The following APPBP2 variants were observed in gnomAD, a reference collection of about 807,000 sequenced individuals.
The protein encoded by APPBP2 is amyloid beta precursor protein binding protein 2, also known as amyloid protein-binding protein 2.
Under a neutral mutation model 76.0 loss-of-function variants are expected in APPBP2, and 15 were observed. The ratio of observed to expected loss-of-function variants is 0.20; its 90% confidence interval spans 0.13 to 0.30. The LOEUF (loss-of-function observed/expected upper bound fraction) is 0.30. Ranked by LOEUF, APPBP2 falls within the 10% of genes least tolerant of loss-of-function variation. The pLI, the probability that APPBP2 is intolerant of heterozygous loss-of-function variation, is 1.00. For missense variants in APPBP2, 401 were observed against 687.2 expected, an observed-to-expected ratio of 0.58 and a Z score of 4.66; for synonymous variants, 222 against 242.2, an observed-to-expected ratio of 0.92 and a Z score of 0.77.
chr17:60,500,475 CCT>C lies in APPBP2; in HGVS notation c.149_150del (p.Gln50ArgfsTer9). ...QFDVYYKLYQ[Q>X]GRLCQLGSEF... ...TCACTGCCCAGTTGACATAAGCGTC[CCT>C]GTTGGTAAAGCTGAAATAAAAAACA... On this transcript the variant is annotated frameshift_variant, in exon 2 of 13. Transcript: ENST00000083182. LOFTEE classifies it high-confidence loss of function. 6.2e-7 allele frequency: 1 copy of C among 1,603,824 alleles called. No homozygotes were observed. The highest frequency in any genetic ancestry group is 8.5e-7 in the Non-Finnish European group (1 of 1,176,458).
chr17:60,461,571 C>T, intron 8 of APPBP2: 1 of 369,564 alleles, frequency 2.7e-6, no homozygotes, highest in South Asian at 8.8e-5. Flanking sequence ...AAATGGAAAA[C>T]TACTCCCACA....
chr17:60,488,862 A>G (rs1456600498), intron 3 of APPBP2, among the ~76,000 whole-genome samples: 2 of 152,216 alleles, frequency 1.3e-5, no homozygotes, highest in Non-Finnish European at 2.9e-5. Flanking sequence ...AGTCAAGATC[A>G]CAAGTTTTGA....
intron 1 of APPBP2, among the ~76,000 whole-genome samples, chr17:60,516,364 T>C (rs1328290819): frequency 1.2e-4 from 19 of 152,196 alleles, no homozygotes; most frequent in Admixed American, 1.2e-3. Flanking sequence ...AGGACATAAA[T>C]AATATGAAGT....
intron 4 of APPBP2, among the ~76,000 whole-genome samples, chr17:60,471,802 C>G (rs2090554684): frequency 6.6e-6 from 1 of 151,938 alleles, no homozygotes; most frequent in South Asian, 2.1e-4. Flanking sequence ...CATTTTTGGT[C>G]TTTGGTATCA....
At position 60,526,093 on chromosome 17, in the gene APPBP2, A is replaced by C; in HGVS notation, c.-162T>G. 1.5e-6 allele frequency: 1 copy of C among 653,988 alleles called. No homozygotes were observed. 40.5% of individuals were successfully genotyped at this position (653,988 alleles called of 1,614,324 possible). A position where few individuals can be genotyped will look rare whatever the true frequency, so the allele number is the denominator to read the frequency against. On this transcript the variant is annotated 5_prime_UTR_variant, in exon 1 of 13. Transcript: ENST00000083182. ...GCCGCCCTGCCTCCTCCGGGGGCAAACTGAGGGACGGCGGCAGCGGACGCA... is the reference window on the plus strand; with the variant it reads ...GCCGCCCTGCCTCCTCCGGGGGCAACCTGAGGGACGGCGGCAGCGGACGCA...
In APPBP2 at chr17:60,494,447, C is replaced by A. The variant is rs1245535586; in HGVS notation, c.379+19G>T. ...GAGTCCATCACAGGACAAAATACTT[C>A]TGTTCCACCATTACTTACCTAAAAC... On this transcript the variant is annotated intron_variant, in intron 3 of 12. Transcript: ENST00000083182. 6.3e-7 allele frequency: 1 copy of A among 1,599,090 alleles called. No individual in the cohort carries two copies. The highest frequency in any genetic ancestry group is 8.5e-7 in the Non-Finnish European group (1 of 1,176,822).
In APPBP2 at chr17:60,444,164, C is replaced by G. The variant is rs531015357; in HGVS notation, c.*3417G>C. The stretch of plus-strand genomic sequence containing the variant: ...AAAAAAATTTCCTGGCAACTAAGTT[C>G]CTCCACAGCCAAGAGGTGAAGTACA... On this transcript the variant is annotated 3_prime_UTR_variant, in exon 13 of 13. Transcript: ENST00000083182. 1 of 152,212 alleles carries G rather than the reference C, an allele frequency of 6.6e-6. No homozygotes were observed. The highest frequency in any genetic ancestry group is 2.1e-4 in the South Asian group (1 of 4,800). The allele number at this position is 152,212 out of a possible 1,614,324, so 9.4% of individuals were successfully genotyped here. A position where few individuals can be genotyped will look rare whatever the true frequency, so the allele number is the denominator to read the frequency against.
chr17:60,494,649 GTTAA>G (rs2090759230), intron 2 of APPBP2, 32 bp from the exon 3 acceptor site: 1 of 1,534,996 alleles, frequency 6.5e-7, no homozygotes, highest in Non-Finnish European at 8.7e-7. Flanking sequence ...ATTTTATAGA[GTTAA>G]TTTATTTTTC....
chr17:60,461,970 A>C lies in APPBP2; in HGVS notation c.830+24T>G. On this transcript the variant is annotated intron_variant, in intron 7 of 12. Coordinates refer to ENST00000083182, the MANE Select transcript of APPBP2 (RefSeq NM_006380.5). ...TAAAGTATAGAGACAATTTAAAAGG[A>C]TATTTTTAATAATAATCACCTACCG... The C allele has an allele frequency of 1.9e-6, 3 of 1,608,658 alleles. No individual in the cohort carries two copies. The South Asian group carries it at 3.3e-5, about 18-fold the overall frequency.
At chr17:60,522,402 A>T (rs923635098) in intron 1 of APPBP2, among the ~76,000 whole-genome samples, 1 of 152,158 alleles carries the variant, frequency 6.6e-6, no homozygotes, top group African/African-American at 2.4e-5. Flanking sequence ...AGCTCACTGC[A>T]GGCTCTGACC....
chr17:60,508,236 A>G (rs1284978893), intron 1 of APPBP2, among the ~76,000 whole-genome samples: 2 of 152,202 alleles, frequency 1.3e-5, no homozygotes, highest in Non-Finnish European at 1.5e-5. Flanking sequence ...TGATGAAGGT[A>G]GGCAAACTGC....
chr17:60,451,760 T>G, intron 12 of APPBP2, 120 bp downstream of exon 12: 13 of 856,674 alleles, frequency 1.5e-5, no homozygotes, highest in Non-Finnish European at 2.3e-5. Flanking sequence ...ATTACAGGTA[T>G]GAGCCACCGC....
At chr17:60,470,387 G>A (rs970227724) in intron 4 of APPBP2, among the ~76,000 whole-genome samples, 3 of 151,744 alleles carry the variant, frequency 2.0e-5, no homozygotes, top group Non-Finnish European at 2.9e-5. Context: ...AGCCTCCTAC[G>A]TAGCTGAGAC....
chr17:60,449,833 C>T (rs9896692), intron 12 of APPBP2, among the ~76,000 whole-genome samples: 31,063 of 151,810 alleles, frequency 0.2, 10,571 homozygotes, highest in African/African-American at 0.71. Context: ...AGTCTTGCTC[C>T]GTCACACAGG....
At position 60,451,756 on chromosome 17, in the gene APPBP2, G is replaced by A. The variant is rs375401650; in HGVS notation, c.1504+124C>T. On this transcript the variant is annotated intron_variant, in intron 12 of 12. Transcript: ENST00000083182. ...GGCCTCCCAAAGTGCTGGGATTACAGGTATGAGCCACCGCACCCAGCCCCA... is the reference window on the plus strand; with the variant it reads ...GGCCTCCCAAAGTGCTGGGATTACAAGTATGAGCCACCGCACCCAGCCCCA... 3.2e-5 allele frequency: 26 copies of A among 819,312 alleles called. 1 individual carries two copies. The highest frequency in any genetic ancestry group is 1.7e-4 in the East Asian group (6 of 34,812). 50.8% of individuals were successfully genotyped at this position (819,312 alleles called of 1,614,324 possible). A position where few individuals can be genotyped will look rare whatever the true frequency, so the allele number is the denominator to read the frequency against.
intron 1 of APPBP2, among the ~76,000 whole-genome samples, chr17:60,512,854 A>T (rs893905568): frequency 1.4e-5 from 2 of 147,214 alleles, no homozygotes; most frequent in East Asian, 4.0e-4. Flanking sequence ...AAAAAAAAAA[A>T]GGAAAGGAAA....
chr17:60,504,894 T>C (rs966971457), intron 1 of APPBP2, among the ~76,000 whole-genome samples: 1 of 152,162 alleles, frequency 6.6e-6, no homozygotes, highest in African/African-American at 2.4e-5. Context: ...CAATGAAACC[T>C]GTGCATCTCA....
At chr17:60,475,320 G>A (rs1437969279) in intron 4 of APPBP2, among the ~76,000 whole-genome samples, 1 of 152,138 alleles carries the variant, frequency 6.6e-6, no homozygotes, top group African/African-American at 2.4e-5. Context: ...GCCCAGGCAG[G>A]TCTCAAACTC....
chr17:60,520,589 A>AT (rs201941873), intron 1 of APPBP2, among the ~76,000 whole-genome samples: 11,206 of 135,696 alleles, frequency 0.083, 1,563 homozygotes, highest in African/African-American at 0.4. Flanking sequence ...AAAAAAAAAA[A>AT]AATTAAGATT....
Sources: allele counts gnomAD v4.1 joint callset (sites outside exome capture counted in the v4.1 genomes callset), GRCh38; gene constraint gnomAD v4.1.1; transcripts MANE v1.5; gene names NCBI Gene and HGNC (gene_info 2026-07-23, HGNC 2026-07-21).